GRIN2B: variants seen among roughly 807,000 people sequenced by gnomAD.
GRIN2B encodes the protein glutamate receptor ionotropic, NMDA 2B.
Under a neutral mutation model 114.5 loss-of-function variants are expected in GRIN2B, and 5 were observed. The ratio of observed to expected loss-of-function variants is 0.04; its 90% CI spans 0.02 to 0.09. The LOEUF is 0.09. Among genes scored for constraint, GRIN2B ranks in the 10% least tolerant of loss-of-function variants. The pLI, the probability that GRIN2B is intolerant of heterozygous loss-of-function variation, is 1.00. For synonymous variants in GRIN2B, 787 were observed against 745.1 expected, an observed-to-expected ratio of 1.06 and a Z score of -0.92; for missense variants, 1,108 against 1,943.5, an observed-to-expected ratio of 0.57 and a Z score of 8.08.
intron 2 of GRIN2B, among the ~76,000 whole-genome samples, chr12:13,882,504 T>C (rs936952043): frequency 1.1e-4 from 17 of 152,204 alleles, no homozygotes; most frequent in African/African-American, 3.9e-4. Flanking sequence ...TCGAGAAAGA[T>C]TTACTATGTG....
At chr12:13,933,473 T>C (rs984888977) in intron 2 of GRIN2B, among the ~76,000 whole-genome samples, 1 of 152,200 alleles carries the variant, frequency 6.6e-6, no homozygotes, top group Non-Finnish European at 1.5e-5. Context: ...GACATCTCCT[T>C]GATACGGTCC....
chr12:13,565,334 C>T (rs893174334), intron 13 of GRIN2B, among the ~76,000 whole-genome samples: 4 of 152,222 alleles, frequency 2.6e-5, no homozygotes, highest in African/African-American at 9.7e-5. Context: ...GGAAAAACAG[C>T]CAGTACTAAA....
chr12:13,743,066 T>A (rs1306871135), intron 4 of GRIN2B, among the ~76,000 whole-genome samples: 3 of 152,200 alleles, frequency 2.0e-5, no homozygotes, highest in Admixed American at 2.0e-4. Flanking sequence ...ACAGACCACC[T>A]AACTATGCTC....
intron 10 of GRIN2B, among the ~76,000 whole-genome samples, chr12:13,601,479 T>A (rs1270998712): frequency 1.3e-5 from 2 of 152,190 alleles, no homozygotes; most frequent in Non-Finnish European, 2.9e-5. Flanking sequence ...TCCAGGATGA[T>A]CTCATTTTGA....
At chr12:13,659,880 C>T (rs1159996064) in intron 5 of GRIN2B, among the ~76,000 whole-genome samples, 2 of 152,142 alleles carry the variant, frequency 1.3e-5, no homozygotes, top group African/African-American at 2.4e-5. Context: ...AGTTATAAAA[C>T]TTAGTGGTAT....
At chr12:13,751,856 T>C (rs1002591032) in intron 4 of GRIN2B, among the ~76,000 whole-genome samples, 11 of 151,994 alleles carry the variant, frequency 7.2e-5, no homozygotes, top group Non-Finnish European at 1.5e-4. Context: ...CCCCAAGAAG[T>C]GCCCATATTT....
At chr12:13,606,689 C>G (rs1949253532) in intron 10 of GRIN2B, among the ~76,000 whole-genome samples, 1 of 152,128 alleles carries the variant, frequency 6.6e-6, no homozygotes, top group African/African-American at 2.4e-5. Flanking sequence ...GTTACAGAAA[C>G]AGTCACCAAA....
chr12:13,858,289 C>A (rs1411561419), intron 3 of GRIN2B, among the ~76,000 whole-genome samples: 1 of 152,122 alleles, frequency 6.6e-6, no homozygotes, highest in Non-Finnish European at 1.5e-5. Flanking sequence ...AAATAACTTA[C>A]AATAATTAGA....
At chr12:13,970,750 C>A (rs1862898236) in intron 2 of GRIN2B, among the ~76,000 whole-genome samples, 1 of 148,912 alleles carries the variant, frequency 6.7e-6, no homozygotes, top group Admixed American at 6.7e-5. Context: ...CTTCAAAAAT[C>A]CAAAGGGTAG....
intron 2 of GRIN2B, among the ~76,000 whole-genome samples, chr12:13,896,715 G>A (rs748584207): frequency 7.2e-5 from 11 of 152,110 alleles, no homozygotes; most frequent in Non-Finnish European, 1.3e-4. Context: ...ATTGGGGAGG[G>A]CCTTTGGGTA....
intron 2 of GRIN2B, among the ~76,000 whole-genome samples, chr12:13,901,738 T>C (rs529579306): frequency 1.3e-5 from 2 of 152,256 alleles, no homozygotes; most frequent in African/African-American, 2.4e-5. Flanking sequence ...AAGTTTAATA[T>C]AGTTGAATTT....
intron 5 of GRIN2B, among the ~76,000 whole-genome samples, chr12:13,647,129 G>A (rs756635581): frequency 8.5e-5 from 13 of 152,214 alleles, no homozygotes; most frequent in Admixed American, 8.5e-4. Context: ...TTGAGACCCT[G>A]AGTAGAAGAT....
At chr12:13,962,546 T>G (rs1297077702) in intron 2 of GRIN2B, among the ~76,000 whole-genome samples, 1 of 152,246 alleles carries the variant, frequency 6.6e-6, no homozygotes, top group African/African-American at 2.4e-5. Flanking sequence ...GCCACTTGAA[T>G]GCTTGACATT....
chr12:13,925,851 G>A (rs558532559), intron 2 of GRIN2B, among the ~76,000 whole-genome samples: 2 of 152,276 alleles, frequency 1.3e-5, no homozygotes, highest in East Asian at 3.9e-4. Flanking sequence ...ATGACCTATT[G>A]TTAAAATACA....
chr12:13,801,223 G>A (rs1457015603), intron 3 of GRIN2B, among the ~76,000 whole-genome samples: 2 of 152,114 alleles, frequency 1.3e-5, no homozygotes, highest in East Asian at 1.9e-4. Context: ...CGCACTATGT[G>A]GAATGTATTG....
At chr12:13,939,179 A>G (rs538007064) in intron 2 of GRIN2B, among the ~76,000 whole-genome samples, 2 of 152,294 alleles carry the variant, frequency 1.3e-5, no homozygotes, top group South Asian at 4.1e-4. Flanking sequence ...AGTTTTTAAA[A>G]TTCTGCTGTG....
At chr12:13,658,730 C>T (rs1042472003) in intron 5 of GRIN2B, among the ~76,000 whole-genome samples, 17 of 152,080 alleles carry the variant, frequency 1.1e-4, no homozygotes, top group Non-Finnish European at 1.8e-4. Flanking sequence ...AAGAACAGAG[C>T]TACATTGTTC....
chr12:13,744,923 G>A (rs760306830), intron 4 of GRIN2B, among the ~76,000 whole-genome samples: 38 of 152,118 alleles, frequency 2.5e-4, no homozygotes, highest in Non-Finnish European at 4.3e-4. Context: ...CCTATCTACA[G>A]TGCTGTTCAG....
At position 13,564,677 on chromosome 12, in the gene GRIN2B, G is replaced by A; in HGVS notation, c.2599-38C>T. ...TGGAGGGACAGGTTAGATCTCCAGA[G>A]AGGCTAGAAATGACCACAAAAAACA... On this transcript the variant is annotated intron_variant, in intron 13 of 13. Transcript: ENST00000609686. This position sits in a 1 kb window ranked among gnomAD's most constrained non-coding sequence, Gnocchi z 4.8. 1 of 1,590,418 alleles carries A rather than the reference G, an allele frequency of 6.3e-7. No homozygotes were observed. Among genetic ancestry groups the A allele is most frequent in the Non-Finnish European group, 8.6e-7 (1 of 1,160,760 alleles).
Sources: gnomAD v4.1 joint callset for allele counts (sites outside exome capture counted in the v4.1 genomes callset) on GRCh38, gnomAD v4.1.1 for gene constraint, Gnocchi (gnomAD v3.1) non-coding constraint, MANE v1.5 for transcripts, NCBI Gene and HGNC (gene_info 2026-07-23, HGNC 2026-07-21) for gene names.